The following DPP10 variants were observed in gnomAD, a reference collection of about 807,000 sequenced individuals.
DPP10 encodes the protein inactive dipeptidyl peptidase 10.
A neutral mutation model predicts 120.9 loss-of-function variants in DPP10; 33 were observed. The observed-to-expected ratio is 0.27, with a 90% CI of 0.21 to 0.37. The LOEUF is 0.37. Ranked by LOEUF, DPP10 falls within the 10% of genes least tolerant of loss-of-function variation. The pLI is 1.00. For missense variants in DPP10, 816 were observed against 942.8 expected (o/e 0.87, Z 1.76); for synonymous variants, 337 against 326.1 (o/e 1.03, Z -0.36).
intron 1 of DPP10, among the ~76,000 whole-genome samples, chr2:115,211,294 T>A (rs537742404): frequency 6.6e-6 from 1 of 151,692 alleles, no homozygotes; most frequent in Non-Finnish European, 1.5e-5. Flanking sequence ...TGATAAGTTA[T>A]CATTTCTCAT....
intron 1 of DPP10, among the ~76,000 whole-genome samples, chr2:115,298,376 G>A (rs978229850): frequency 6.6e-6 from 1 of 151,938 alleles, no homozygotes; most frequent in East Asian, 1.9e-4. Context: ...TACTGATTCC[G>A]AAGCCACTAA....
intron 1 of DPP10, among the ~76,000 whole-genome samples, chr2:114,934,977 A>G (rs1696348017): frequency 6.6e-6 from 1 of 152,180 alleles, no homozygotes; most frequent in African/African-American, 2.4e-5. Context: ...TCATTCATGG[A>G]AAAGATATTT....
intron 3 of DPP10, among the ~76,000 whole-genome samples, chr2:115,352,401 G>A (rs913703459): frequency 3.9e-5 from 6 of 152,124 alleles, no homozygotes; most frequent in African/African-American, 1.4e-4. Flanking sequence ...AAAGTTTGTA[G>A]TAAAATATCT....
rs1273951324 is a variant in DPP10, at chr2:115,844,710, A to G, written c.*2365A>G. On this transcript the variant is annotated 3_prime_UTR_variant, in exon 26 of 26. Transcript: ENST00000410059. ...CATTGCTAGATTTTCCTAGGACTCC[A>G]ATAGCATGCTTTCCAAGTGTTATTA... The G allele has an allele frequency of 1.3e-5, 2 of 152,196 alleles. No individual in the cohort carries two copies. Among genetic ancestry groups the G allele is most frequent in the East Asian group, 3.9e-4 (2 of 5,192 alleles). The allele number at this position is 152,196 out of a possible 1,614,324, so 9.4% of individuals were successfully genotyped here.
At chr2:115,183,181 C>T (rs1437158148) in intron 1 of DPP10, among the ~76,000 whole-genome samples, 1 of 152,104 alleles carries the variant, frequency 6.6e-6, no homozygotes, top group Non-Finnish European at 1.5e-5. Flanking sequence ...GGAAAATTAC[C>T]TACTGCTGTA....
rs147630591 is a variant in DPP10 at position 115,071,884 on chromosome 2, C to A, written c.61-237355C>A. Among the ~76,000 whole-genome samples, 341 of 151,798 alleles carry A rather than the reference C, an allele frequency of 2.2e-3. 8 individuals are homozygous for A. In the East Asian group the frequency reaches 0.052, roughly 23 times the overall value. On this transcript the variant is annotated intron_variant, in intron 1 of 25. Transcript: ENST00000410059. ...TTCCATTATTTTTTTTTCAAATACA[C>A]AGATAATTTCTTGGCCAAATTTCTT...
intron 5 of DPP10, among the ~76,000 whole-genome samples, chr2:115,642,103 G>A (rs904354937): frequency 1.3e-5 from 2 of 152,062 alleles, no homozygotes; most frequent in Admixed American, 1.3e-4. Context: ...ACACATTCCT[G>A]TAACTCTAAC....
intron 1 of DPP10, among the ~76,000 whole-genome samples, chr2:114,737,715 T>A (rs1677591967): frequency 6.6e-6 from 1 of 151,900 alleles, no homozygotes; most frequent in South Asian, 2.1e-4. Context: ...AGGCTGAGAG[T>A]CAAGTGACAT....
At chr2:114,745,734 C>T (rs1400601922) in intron 1 of DPP10, among the ~76,000 whole-genome samples, 3 of 152,144 alleles carry the variant, frequency 2.0e-5, no homozygotes, top group African/African-American at 7.2e-5. Context: ...ATGTTTTGAA[C>T]ATCAGGACAC....
At chr2:114,507,728 C>A (rs1192589633) in intron 1 of DPP10, among the ~76,000 whole-genome samples, 2 of 152,112 alleles carry the variant, frequency 1.3e-5, no homozygotes, top group African/African-American at 2.4e-5. Context: ...ATTAACGTGG[C>A]AATTTTAGCA....
intron 3 of DPP10, among the ~76,000 whole-genome samples, chr2:115,434,780 C>T (rs1470395519): frequency 6.6e-6 from 1 of 151,556 alleles, no homozygotes; most frequent in African/African-American, 2.4e-5. Context: ...AGAACTTATT[C>T]CTTCTGTCCG....
intron 3 of DPP10, among the ~76,000 whole-genome samples, chr2:115,476,642 G>A (rs1574959630): frequency 6.6e-6 from 1 of 152,082 alleles, no homozygotes; most frequent in South Asian, 2.1e-4. Context: ...CAATTAATGA[G>A]AAACCTGCCA....
intron 1 of DPP10, among the ~76,000 whole-genome samples, chr2:114,804,204 T>G (rs1684522805): frequency 6.6e-6 from 1 of 152,132 alleles, no homozygotes; most frequent in South Asian, 2.1e-4. Flanking sequence ...AGAATTGAGG[T>G]TTGGGAACCT....
At chr2:115,652,244 C>T (rs1024154716) in intron 5 of DPP10, among the ~76,000 whole-genome samples, 1 of 151,816 alleles carries the variant, frequency 6.6e-6, no homozygotes, top group Non-Finnish European at 1.5e-5. Flanking sequence ...ACCCATTTTA[C>T]AGAGGACAGA....
intron 1 of DPP10, among the ~76,000 whole-genome samples, chr2:115,112,605 T>A (rs2049283294): frequency 6.6e-6 from 1 of 152,186 alleles, no homozygotes; most frequent in African/African-American, 2.4e-5. Flanking sequence ...AAAAATATAA[T>A]ACATTGTTAT....
chr2:114,957,133 A>C (rs1176580500), intron 1 of DPP10, among the ~76,000 whole-genome samples: 1 of 152,038 alleles, frequency 6.6e-6, no homozygotes, highest in African/African-American at 2.4e-5. Flanking sequence ...TAATAGAGTG[A>C]AAAAACAACC....
intron 3 of DPP10, among the ~76,000 whole-genome samples, chr2:115,368,452 A>G (rs953312154): frequency 2.6e-5 from 4 of 152,110 alleles, no homozygotes; most frequent in Admixed American, 6.6e-5. Flanking sequence ...TTTACTTTCT[A>G]TCAATTTAAT....
intron 1 of DPP10, among the ~76,000 whole-genome samples, chr2:114,566,719 A>G (rs915320025): frequency 6.6e-6 from 1 of 152,206 alleles, no homozygotes; most frequent in Non-Finnish European, 1.5e-5. Context: ...TAAGTGAGTC[A>G]CACACAGCAG....
At chr2:115,701,392 C>A (rs2091882370) in intron 7 of DPP10, among the ~76,000 whole-genome samples, 1 of 151,964 alleles carries the variant, frequency 6.6e-6, no homozygotes, top group African/African-American at 2.4e-5. Context: ...TCCACATACA[C>A]AAAAAATAAA....
Sources: allele counts gnomAD v4.1 joint callset (sites outside exome capture counted in the v4.1 genomes callset), GRCh38; gene constraint gnomAD v4.1.1; transcripts MANE v1.5; gene names NCBI Gene and HGNC (gene_info 2026-07-23, HGNC 2026-07-21).